NCK2: variants seen among roughly 807,000 people sequenced by gnomAD.
The protein encoded by NCK2 is NCK adaptor protein 2.
In NCK2, 16 loss-of-function variants were observed where a neutral mutation model predicts 33.9. That is an observed-to-expected ratio of 0.47 (90% CI 0.32 to 0.72). NCK2 has a LOEUF of 0.72. NCK2 is among the 30% of genes least tolerant of loss of function. NCK2 has a pLI of 0.03. For missense variants in NCK2, 418 were observed against 537.3 expected (o/e 0.78, Z 2.19); for synonymous variants, 273 against 239.9 (o/e 1.14, Z -1.27).
At chr2:105,793,644 G>C (rs1374526209) in intron 1 of NCK2, among the ~76,000 whole-genome samples, 1 of 152,240 alleles carries the variant, frequency 6.6e-6, no homozygotes, top group Non-Finnish European at 1.5e-5. Context: ...GTGGAACTCT[G>C]ATTTAAGATA....
intron 1 of NCK2, among the ~76,000 whole-genome samples, chr2:105,769,686 C>T (rs906604874): frequency 6.6e-5 from 10 of 152,148 alleles, no homozygotes; most frequent in African/African-American, 1.9e-4. Flanking sequence ...CAGGGGTCCA[C>T]GCAGCTTCCG....
At chr2:105,771,742 GA>G (rs1207796615) in intron 1 of NCK2, among the ~76,000 whole-genome samples, 1 of 152,136 alleles carries the variant, frequency 6.6e-6, no homozygotes, top group Non-Finnish European at 1.5e-5. Context: ...AAGCTTTCTA[GA>G]AAAAGCATGT....
At chr2:105,752,430 T>C (rs1193836242) in intron 1 of NCK2, among the ~76,000 whole-genome samples, 1 of 152,246 alleles carries the variant, frequency 6.6e-6, no homozygotes, top group Non-Finnish European at 1.5e-5. Context: ...ATTTTACAAA[T>C]ATCTTAAAAT....
chr2:105,857,160 G>A (rs1167961063), intron 3 of NCK2: 4 of 152,006 alleles, frequency 2.6e-5, no homozygotes, highest in Non-Finnish European at 5.9e-5. Context: ...AACCTTGTCA[G>A]TTTTCTTCCT....
intron 2 of NCK2, among the ~76,000 whole-genome samples, chr2:105,817,210 A>G (rs1181845339): frequency 6.6e-6 from 1 of 151,116 alleles, no homozygotes; most frequent in Non-Finnish European, 1.5e-5. Context: ...AATGAGATGC[A>G]GACAGATGAA....
At chr2:105,781,291 T>C (rs1690489542) in intron 1 of NCK2, among the ~76,000 whole-genome samples, 1 of 152,220 alleles carries the variant, frequency 6.6e-6, no homozygotes, top group South Asian at 2.1e-4. Context: ...CCGTGCACTT[T>C]TTACACCTCT....
At chr2:105,864,778 C>T (rs1677681115) in intron 3 of NCK2, among the ~76,000 whole-genome samples, 1 of 151,322 alleles carries the variant, frequency 6.6e-6, no homozygotes, top group Non-Finnish European at 1.5e-5. Flanking sequence ...ATGAGTTTGG[C>T]CCTCCGAACC....
intron 3 of NCK2, among the ~76,000 whole-genome samples, chr2:105,869,872 C>T (rs1020436043): frequency 6.6e-6 from 1 of 152,110 alleles, no homozygotes; most frequent in Non-Finnish European, 1.5e-5. Flanking sequence ...TCCCATTTGA[C>T]TTTCATTCAC....
chr2:105,750,889 C>T (rs1689433434), intron 1 of NCK2, among the ~76,000 whole-genome samples: 3 of 152,206 alleles, frequency 2.0e-5, no homozygotes, highest in Non-Finnish European at 4.4e-5. Context: ...AGGCCGTCTC[C>T]TCTGAGCCTG....
At chr2:105,888,650 A>C (rs1356950257) in intron 4 of NCK2, among the ~76,000 whole-genome samples, 1 of 152,166 alleles carries the variant, frequency 6.6e-6, no homozygotes, top group African/African-American at 2.4e-5. Flanking sequence ...CATGGGCTGC[A>C]CTGAGCAACT....
At chr2:105,787,055 G>A (rs979771640) in intron 1 of NCK2, among the ~76,000 whole-genome samples, 8 of 152,214 alleles carry the variant, frequency 5.3e-5, no homozygotes, top group Non-Finnish European at 7.3e-5. Flanking sequence ...CCTTTGCTGC[G>A]ACTCCTCTGC....
chr2:105,744,772 C>CG (rs1689203196), upstream of NCK2: 1 of 150,014 alleles, frequency 6.7e-6, no homozygotes, highest in African/African-American at 2.4e-5. Context: ...GGGCCTGGGC[C>CG]GGCCCCTGGG....
chr2:105,753,045 C>T (rs1689502075), intron 1 of NCK2, among the ~76,000 whole-genome samples: 1 of 152,250 alleles, frequency 6.6e-6, no homozygotes, highest in Non-Finnish European at 1.5e-5. Context: ...CTGAGGCTGC[C>T]ATGTCTTAGG....
intron 3 of NCK2, among the ~76,000 whole-genome samples, chr2:105,856,128 C>T (rs1045872949): frequency 2.0e-5 from 3 of 150,722 alleles, no homozygotes; most frequent in African/African-American, 7.3e-5. Context: ...GCCACCGTGC[C>T]CGGCTCCCCA....
intron 1 of NCK2, among the ~76,000 whole-genome samples, chr2:105,763,978 A>C (rs992788771): frequency 6.6e-6 from 1 of 152,362 alleles, no homozygotes; most frequent in Non-Finnish European, 1.5e-5. Flanking sequence ...TTTATTGAGC[A>C]CTTAACGTGG....
At chr2:105,839,887 A>G (rs1676573878) in intron 2 of NCK2, among the ~76,000 whole-genome samples, 1 of 152,226 alleles carries the variant, frequency 6.6e-6, no homozygotes, top group Non-Finnish European at 1.5e-5. Context: ...AGGGTCAGCA[A>G]GGGACAGGCA....
intron 3 of NCK2, among the ~76,000 whole-genome samples, chr2:105,875,506 T>C (rs1186684417): frequency 6.6e-6 from 1 of 152,164 alleles, no homozygotes; most frequent in Non-Finnish European, 1.5e-5. Flanking sequence ...CCCCCATTCA[T>C]ATGTTGAAAT....
chr2:105,874,900 C>T lies in NCK2; in HGVS notation c.227-6428C>T, dbSNP rs1189107176. Among the ~76,000 whole-genome samples, 3 of 152,124 alleles carry T rather than the reference C, an allele frequency of 2.0e-5. No individual in the cohort carries two copies. The East Asian group carries it at 5.8e-4, about 29-fold the overall frequency. ...AAAATAAAACTTGTGATCAGAGATCCAGTAGCTTGATGCTGCAAAATCACC... is the reference window on the plus strand; with the variant it reads ...AAAATAAAACTTGTGATCAGAGATCTAGTAGCTTGATGCTGCAAAATCACC... On this transcript the variant is annotated intron_variant, in intron 3 of 4. Coordinates refer to ENST00000233154, the MANE Select transcript of NCK2 (RefSeq NM_003581.5).
intron 1 of NCK2, among the ~76,000 whole-genome samples, chr2:105,754,555 C>G (rs13033333): frequency 0.25 from 37,769 of 152,112 alleles, 5,456 homozygotes; most frequent in Middle Eastern, 0.36. Context: ...TTCATGCTTT[C>G]CCTCTCATCA....
Sources: gnomAD v4.1 joint callset for allele counts (sites outside exome capture counted in the v4.1 genomes callset) on GRCh38, gnomAD v4.1.1 for gene constraint, MANE v1.5 for transcripts, NCBI Gene and HGNC (gene_info 2026-07-23, HGNC 2026-07-21) for gene names.